PCBP3: variants seen among roughly 807,000 people sequenced by gnomAD.
PCBP3 encodes the protein poly(rC)-binding protein 3.
In PCBP3, 25 loss-of-function variants were observed where a neutral mutation model predicts 52.7. The ratio of observed to expected loss-of-function variants is 0.47; its 90% CI spans 0.35 to 0.66. The LOEUF is 0.66. Ranked by LOEUF, PCBP3 falls within the 30% of genes least tolerant of loss-of-function variation. The pLI is 0.01. For synonymous variants in PCBP3, 162 were observed against 183.0 expected, an observed-to-expected ratio of 0.89 and a Z score of 0.93; for missense variants, 391 against 490.3, an observed-to-expected ratio of 0.80 and a Z score of 1.91.
In PCBP3 at chr21:45,839,295, T is replaced by A. The variant is rs1025098020; in HGVS notation, c.-125-10666T>A. Among the ~76,000 whole-genome samples the A allele has an allele frequency of 2.6e-5, 4 of 152,224 alleles. No individual in the cohort carries two copies. The East Asian group carries it at 7.7e-4, about 29-fold the overall frequency. On this transcript the variant is annotated intron_variant, in intron 4 of 17. Coordinates refer to ENST00000681687, the MANE Select transcript of PCBP3 (RefSeq NM_001384156.1). ...TGTTCTCCCACCTCTTCCTCCCATT[T>A]CATTAGTGTATTAACTTTATTTTAA...
chr21:45,813,540 C>G (rs1049135292), intron 4 of PCBP3, among the ~76,000 whole-genome samples: 2 of 152,202 alleles, frequency 1.3e-5, no homozygotes, highest in East Asian at 3.9e-4. Flanking sequence ...CTCCCAGGTT[C>G]AAGCGATTCT....
intron 5 of PCBP3, among the ~76,000 whole-genome samples, chr21:45,874,505 C>CTTTTTTTTTTTTT (rs551716964): frequency 1.5e-5 from 2 of 134,014 alleles, no homozygotes; most frequent in African/African-American, 2.8e-5. Flanking sequence ...TTCTTCTTTT[C>CTTTTTTTTTTTTT]TTTTTTTTTT....
Position 45,821,074 on chromosome 21 carries a change from C to T in PCBP3, c.-125-28887C>T, listed in dbSNP as rs762533187. On this transcript the variant is annotated intron_variant, in intron 4 of 17. Coordinates refer to ENST00000681687, the MANE Select transcript of PCBP3 (RefSeq NM_001384156.1). This position sits in a 1 kb window ranked among gnomAD's most constrained non-coding sequence, Gnocchi z 4.4. ...TGTCTTGCAGAGCCAGCGAGCCTGG[C>T]GTTGTGACCTGGGCTAACTTGGTAC... Among the ~76,000 whole-genome samples, 2 of 152,220 alleles carry T rather than the reference C, an allele frequency of 1.3e-5. No individual in the cohort carries two copies. The highest frequency in any genetic ancestry group is 2.4e-5 in the African/African-American group (1 of 41,458).
At chr21:45,764,790 G>A (rs1018113880) in intron 4 of PCBP3, among the ~76,000 whole-genome samples, 1 of 152,220 alleles carries the variant, frequency 6.6e-6, no homozygotes, top group Non-Finnish European at 1.5e-5. Context: ...TTCTAGCAAG[G>A]GAAAGAGTGG....
intron 15 of PCBP3, among the ~76,000 whole-genome samples, chr21:45,932,485 G>A (rs1182014196): frequency 2.7e-5 from 4 of 150,468 alleles, no homozygotes; most frequent in African/African-American, 5.0e-5. Context: ...TGAGATGAAC[G>A]AACACCTGGG....
At chr21:45,900,890 C>A in intron 8 of PCBP3, 107 bp from the exon 9 acceptor site, 1 of 785,240 alleles carries the variant, frequency 1.3e-6, no homozygotes, top group South Asian at 1.4e-5. Context: ...TTTCCGTCAG[C>A]GGACAGAGGC....
chr21:45,828,263 G>A (rs1245831186), intron 4 of PCBP3: 1 of 152,224 alleles, frequency 6.6e-6, no homozygotes, highest in Non-Finnish European at 1.5e-5. Flanking sequence ...TTGCTTCCCA[G>A]CTTTCCCCAT....
rs1346447211 is a variant in PCBP3 at position 45,827,999 on chromosome 21, G to A, written c.-125-21962G>A. 1.9e-4 allele frequency: 29 copies of A among 152,316 alleles called. No homozygotes were observed. The highest frequency in any genetic ancestry group is 1.8e-3 in the Admixed American group (28 of 15,280). The allele number at this position is 152,316 out of a possible 1,614,324, so 9.4% of individuals were successfully genotyped here. On this transcript the variant is annotated intron_variant, in intron 4 of 17. Transcript: ENST00000681687. The surrounding 1 kb of genome is among the most constrained non-coding windows in gnomAD (Gnocchi z 4.3). ...ACAAGTTTATTTCCTGTTCACCTGTGTCAGCTGTGGCTCTTGTCTTCAACC... is the reference window on the plus strand; with the variant it reads ...ACAAGTTTATTTCCTGTTCACCTGTATCAGCTGTGGCTCTTGTCTTCAACC...
Position 45,900,612 on chromosome 21 carries a change from A to G in PCBP3, c.211A>G (p.Met71Val). 6.9e-7 allele frequency: 1 copy of G among 1,452,146 alleles called. No individual in the cohort carries two copies. 90.0% of individuals were successfully genotyped at this position (1,452,146 alleles called of 1,614,324 possible). ...IGKKGETVKK[M>V]REESGARINI... ...CCAGAAAGGAGAAACTGTGAAGAAG[A>G]TGCGTGAGGAGGTGAGTGTGGTGGG... The change falls in exon 8 of 18, where the codon ATG becomes GTG. Residue 71 changes from methionine (M) to valine (V), a missense_variant. Transcript: ENST00000681687.
intron 2 of PCBP3, among the ~76,000 whole-genome samples, chr21:45,722,991 A>T (rs2084771269): frequency 6.6e-6 from 1 of 151,736 alleles, no homozygotes; most frequent in Non-Finnish European, 1.5e-5. Flanking sequence ...TCCAGCCTGG[A>T]TGACCCAGCA....
chr21:45,663,802 G>A (rs986084373), intron 1 of PCBP3, among the ~76,000 whole-genome samples: 46 of 152,050 alleles, frequency 3.0e-4, no homozygotes, highest in African/African-American at 1.0e-3. Context: ...TTGAAGTCAG[G>A]TAATGTGATG....
Position 45,882,916 on chromosome 21 carries a change from T to C in PCBP3, c.11-13292T>C, listed in dbSNP as rs1001686366. ...TACACCAGCGCCAAGTTCTGGTCTT[T>C]AGTATTTCATTCCTCTGCTTACTTG... On this transcript the variant is annotated intron_variant, in intron 5 of 17. Coordinates refer to ENST00000681687, the MANE Select transcript of PCBP3 (RefSeq NM_001384156.1). Among the ~76,000 whole-genome samples the C allele has an allele frequency of 3.9e-5, 6 of 152,348 alleles. No individual in the cohort carries two copies. In the South Asian group the frequency reaches 8.3e-4, roughly 21 times the overall value.
chr21:45,799,551 C>T (rs892601875), intron 4 of PCBP3, among the ~76,000 whole-genome samples: 2 of 152,140 alleles, frequency 1.3e-5, no homozygotes, highest in South Asian at 2.1e-4. Flanking sequence ...AGTCTTGGAA[C>T]GTACCCCTCT....
intron 2 of PCBP3, among the ~76,000 whole-genome samples, chr21:45,710,875 C>A (rs775096171): frequency 3.3e-5 from 5 of 152,174 alleles, no homozygotes; most frequent in Non-Finnish European, 1.5e-5. Flanking sequence ...AAAAACAATT[C>A]TTGGGTTTAT....
rs1018753520 is a variant in PCBP3 at position 45,827,521 on chromosome 21, T to C, written c.-125-22440T>C. On this transcript the variant is annotated intron_variant, in intron 4 of 17. Coordinates refer to ENST00000681687, the MANE Select transcript of PCBP3 (RefSeq NM_001384156.1). This position sits in a 1 kb window ranked among gnomAD's most constrained non-coding sequence, Gnocchi z 4.3. ...AAAAGACATCATAAAGATGCTTCAG[T>C]GAGCCGTCACCAGCTCTACACAGTG... Among the ~76,000 whole-genome samples, 4 of 145,296 alleles carry C rather than the reference T, an allele frequency of 2.8e-5. No individual in the cohort carries two copies. The highest frequency in any genetic ancestry group is 3.9e-3 in the Middle Eastern group (1 of 256).
chr21:45,680,060 G>A (rs2081739108), intron 2 of PCBP3, among the ~76,000 whole-genome samples: 1 of 152,086 alleles, frequency 6.6e-6, no homozygotes, highest in Admixed American at 6.6e-5. Context: ...TTTCCATACT[G>A]GATTTCTTAT....
chr21:45,779,567 T>C (rs765011619), intron 4 of PCBP3, among the ~76,000 whole-genome samples: 7 of 152,184 alleles, frequency 4.6e-5, no homozygotes, highest in Non-Finnish European at 8.8e-5. Context: ...GGGCATAAAT[T>C]GCATCTCGTC....
At chr21:45,893,720 G>A (rs536975947) in intron 5 of PCBP3, 31 of 984,388 alleles carry the variant, frequency 3.1e-5, no homozygotes, top group South Asian at 1.4e-4. Flanking sequence ...AGCACTGGAC[G>A]GGACAGAGGG....
intron 4 of PCBP3, among the ~76,000 whole-genome samples, chr21:45,759,543 C>T (rs1245825472): frequency 6.6e-6 from 1 of 152,200 alleles, no homozygotes; most frequent in African/African-American, 2.4e-5. Flanking sequence ...TTCATATTCA[C>T]CTTCCTTCTC....
Sources: allele counts gnomAD v4.1 joint callset (sites outside exome capture counted in the v4.1 genomes callset), GRCh38; gene constraint gnomAD v4.1.1; non-coding constraint Gnocchi (gnomAD v3.1); transcripts MANE v1.5; gene names NCBI Gene and HGNC (gene_info 2026-07-23, HGNC 2026-07-21).